CSMD3: variants seen among roughly 807,000 people sequenced by gnomAD.
CSMD3 encodes CUB and sushi domain-containing protein 3.
In CSMD3, 177 loss-of-function variants were observed where a neutral mutation model predicts 435.2. That is an observed-to-expected ratio of 0.41 (90% confidence interval 0.36 to 0.46). The LOEUF is 0.46. Ranked by LOEUF, CSMD3 falls within the 20% of genes least tolerant of loss-of-function variation. The pLI is 0.34. For synonymous variants in CSMD3, 1,656 were observed against 1,520.5 expected (o/e 1.09, Z -2.07); for missense variants, 4,265 against 4,504.6 (o/e 0.95, Z 1.52).
At chr8:112,476,275 A>G (rs1183773498) in intron 31 of CSMD3, among the ~76,000 whole-genome samples, 1 of 152,082 alleles carries the variant, frequency 6.6e-6, no homozygotes, top group East Asian at 1.9e-4. Flanking sequence ...TGAACTCCTG[A>G]CCTCAGGTTA....
At chr8:112,577,453 T>C (rs1406234865) in intron 23 of CSMD3, among the ~76,000 whole-genome samples, 1 of 152,120 alleles carries the variant, frequency 6.6e-6, no homozygotes, top group Admixed American at 6.6e-5. Context: ...GTGCTCATAT[T>C]TCTGTTCTAA....
chr8:113,099,478 C>T (rs1444586353), intron 4 of CSMD3, among the ~76,000 whole-genome samples: 1 of 151,948 alleles, frequency 6.6e-6, no homozygotes, highest in Non-Finnish European at 1.5e-5. Context: ...TGTAGAAATA[C>T]AACTCAAATA....
At chr8:112,729,854 G>A (rs141921596) in intron 13 of CSMD3, among the ~76,000 whole-genome samples, 12 of 152,244 alleles carry the variant, frequency 7.9e-5, no homozygotes, top group Non-Finnish European at 1.5e-4. Flanking sequence ...AAAGCCCCTA[G>A]AGGGAGAGCA....
At chr8:112,875,658 T>C (rs2081261984) in intron 10 of CSMD3, among the ~76,000 whole-genome samples, 1 of 152,196 alleles carries the variant, frequency 6.6e-6, no homozygotes, top group Non-Finnish European at 1.5e-5. Flanking sequence ...TCATGCTTTA[T>C]TTCATTAAGT....
At chr8:113,158,426 A>G (rs1331784518) in intron 4 of CSMD3, among the ~76,000 whole-genome samples, 7 of 152,102 alleles carry the variant, frequency 4.6e-5, no homozygotes, top group Admixed American at 4.6e-4. Context: ...TTTGAATTTT[A>G]CTTTTTTCAA....
chr8:113,100,648 T>A (rs2131554818), intron 4 of CSMD3, among the ~76,000 whole-genome samples: 1 of 152,194 alleles, frequency 6.6e-6, no homozygotes, highest in South Asian at 2.1e-4. Context: ...AGTGTTCTCA[T>A]CTCAAAAATA....
intron 20 of CSMD3, among the ~76,000 whole-genome samples, chr8:112,639,667 A>G (rs1217362666): frequency 6.6e-6 from 1 of 152,118 alleles, no homozygotes; most frequent in Non-Finnish European, 1.5e-5. Flanking sequence ...TGTAGTTTAT[A>G]GATTGGAATC....
At chr8:112,795,964 T>TA (rs200623932) in intron 13 of CSMD3, among the ~76,000 whole-genome samples, 22 of 151,376 alleles carry the variant, frequency 1.5e-4, no homozygotes, top group East Asian at 1.4e-3. Context: ...TATATGAAAA[T>TA]AAAAAAAAAT....
chr8:112,790,952 C>T (rs2078672370), intron 13 of CSMD3, among the ~76,000 whole-genome samples: 1 of 151,832 alleles, frequency 6.6e-6, no homozygotes, highest in Non-Finnish European at 1.5e-5. Flanking sequence ...AACAATAAAC[C>T]ACTCATATTT....
intron 4 of CSMD3, among the ~76,000 whole-genome samples, chr8:113,109,923 G>A (rs746061073): frequency 1.3e-5 from 2 of 152,050 alleles, no homozygotes; most frequent in South Asian, 2.1e-4. Context: ...AGCCCATGTC[G>A]TTCTAGGACC....
chr8:112,511,605 T>C (rs1371596490), intron 28 of CSMD3, among the ~76,000 whole-genome samples: 1 of 152,022 alleles, frequency 6.6e-6, no homozygotes, highest in African/African-American at 2.4e-5. Context: ...TTAGCCAGGA[T>C]GGTCTCGATT....
chr8:112,629,865 C>T (rs1482728310), intron 22 of CSMD3, among the ~76,000 whole-genome samples: 1 of 152,186 alleles, frequency 6.6e-6, no homozygotes, highest in Admixed American at 6.6e-5. Flanking sequence ...CTCCTCATCA[C>T]TCCCTGTATT....
intron 12 of CSMD3, among the ~76,000 whole-genome samples, chr8:112,803,646 A>G (rs1044892637): frequency 2.0e-5 from 3 of 152,220 alleles, no homozygotes; most frequent in Non-Finnish European, 4.4e-5. Context: ...GTAACATGGA[A>G]AATAAGCCAA....
chr8:112,405,789 C>T (rs1259710132), intron 35 of CSMD3, among the ~76,000 whole-genome samples: 2 of 151,846 alleles, frequency 1.3e-5, no homozygotes, highest in African/African-American at 4.8e-5. Flanking sequence ...CAAAATATTT[C>T]CAGAAAAGTC....
intron 5 of CSMD3, among the ~76,000 whole-genome samples, chr8:113,090,139 A>T (rs1217473845): frequency 1.3e-5 from 2 of 152,244 alleles, no homozygotes; most frequent in Non-Finnish European, 2.9e-5. Flanking sequence ...CTTATTTTTA[A>T]ATCCATGCCA....
chr8:113,393,987 A>T (rs1448692693), intron 1 of CSMD3, among the ~76,000 whole-genome samples: 1 of 152,106 alleles, frequency 6.6e-6, no homozygotes, highest in African/African-American at 2.4e-5. Flanking sequence ...GCTTAATTTT[A>T]TAAAGTGAGG....
intron 9 of CSMD3, among the ~76,000 whole-genome samples, chr8:112,932,009 A>C (rs2083124530): frequency 6.6e-6 from 1 of 152,204 alleles, no homozygotes; most frequent in South Asian, 2.1e-4. Flanking sequence ...GATGTAAATT[A>C]GTACAGTCAT....
At chr8:112,598,188 A>C (rs1008201266) in intron 22 of CSMD3, among the ~76,000 whole-genome samples, 9 of 132,942 alleles carry the variant, frequency 6.8e-5, no homozygotes, top group Admixed American at 3.8e-4. Flanking sequence ...TACAAAAACA[A>C]TGTACAAAAA....
intron 38 of CSMD3, among the ~76,000 whole-genome samples, chr8:112,364,271 C>G (rs539645764): frequency 2.0e-5 from 3 of 151,914 alleles, no homozygotes; most frequent in African/African-American, 7.2e-5. Flanking sequence ...TTCAGATATT[C>G]CAGTTTTTCC....
Sources: allele counts gnomAD v4.1 joint callset (sites outside exome capture counted in the v4.1 genomes callset), GRCh38; gene constraint gnomAD v4.1.1; transcripts MANE v1.5; gene names NCBI Gene and HGNC (gene_info 2026-07-23, HGNC 2026-07-21).